Variants in STIM1 observed in about 807,000 individuals in gnomAD.
STIM1 encodes stromal interaction molecule 1.
In STIM1, 25 loss-of-function variants were observed where a neutral mutation model predicts 74.7. That is an observed-to-expected ratio of 0.33 (90% CI 0.24 to 0.47). The LOEUF (loss-of-function observed/expected upper bound fraction) is 0.47. Ranked by LOEUF, STIM1 falls within the 20% of genes least tolerant of loss-of-function variation. The pLI, the probability that STIM1 is intolerant of heterozygous loss-of-function variation, is 1.00. For synonymous variants in STIM1, 328 were observed against 348.8 expected (o/e 0.94, Z 0.66); for missense variants, 728 against 920.8 (o/e 0.79, Z 2.71).
At chr11:3,888,312 A>G (rs916697709) in intron 1 of STIM1, among the ~76,000 whole-genome samples, 1 of 152,114 alleles carries the variant, frequency 6.6e-6, no homozygotes, top group African/African-American at 2.4e-5. Context: ...AATGATTGAG[A>G]TGCTTTTATG....
chr11:3,982,611 A>C (rs2093517417), intron 2 of STIM1, among the ~76,000 whole-genome samples: 1 of 152,194 alleles, frequency 6.6e-6, no homozygotes. Flanking sequence ...ATAACCCATA[A>C]GGAAAGAGAC....
At chr11:4,059,430 C>T (rs1188848466) in intron 5 of STIM1, 34 bp downstream of exon 5, 2 of 1,584,106 alleles carry the variant, frequency 1.3e-6, no homozygotes, top group South Asian at 1.1e-5. Flanking sequence ...TACTGCTGTG[C>T]CATGGAAACC....
Position 3,994,751 on chromosome 11 carries a change from T to C in STIM1, c.270+27069T>C, listed in dbSNP as rs1318967213. Among the ~76,000 whole-genome samples the C allele has an allele frequency of 1.3e-5, 2 of 152,162 alleles. 1 individual carries two copies. The highest frequency in any genetic ancestry group is 1.3e-4 in the Admixed American group (2 of 15,266). ...GTGAGTCTTTCTGCTCCTTTTTCTT[T>C]ATCTTCCCCTTCTGGTATTCATATA... On this transcript the variant is annotated intron_variant, in intron 2 of 12. Transcript: ENST00000526596.
chr11:4,071,052 C>G (rs1244109373), intron 6 of STIM1, among the ~76,000 whole-genome samples: 1 of 152,162 alleles, frequency 6.6e-6, no homozygotes, highest in African/African-American at 2.4e-5. Flanking sequence ...ATGTGGGACT[C>G]TGAGGAGGTA....
chr11:4,047,942 C>T (rs556594474), intron 3 of STIM1, among the ~76,000 whole-genome samples: 2 of 152,122 alleles, frequency 1.3e-5, no homozygotes, highest in Non-Finnish European at 2.9e-5. Context: ...CCTCAGCCTC[C>T]CAAGTAGCTG....
chr11:4,083,399 A>C lies in STIM1; in HGVS notation c.1375A>C (p.Ser459Arg). The change falls in exon 10 of 13, where the codon AGC (serine) becomes CGC (arginine). Residue 459 changes from serine to arginine, a missense_variant. Physicochemically the swap from Ser to Arg is moderately radical, Grantham distance 110 (BLOSUM62 -1). This residue lies in a region of STIM1 where 352 missense variants were observed against 370.1 expected (regional missense o/e 0.95). Coordinates refer to ENST00000526596, the MANE Select transcript of STIM1 (RefSeq NM_001382567.1). ...GGTGGCTGCCCTCAACATAGACCCC[A>C]GCTGGATGGGCAGTACACGCCCCAA... ...SLVAALNIDP[S>R]WMGSTRPNPA... 2 of 1,614,240 alleles carry C rather than the reference A, an allele frequency of 1.2e-6. No individual in the cohort carries two copies. The highest frequency in any genetic ancestry group is 2.2e-5 in the South Asian group (2 of 91,088).
intron 1 of STIM1, among the ~76,000 whole-genome samples, chr11:3,939,927 A>G (rs975543196): frequency 3.9e-5 from 6 of 152,158 alleles, no homozygotes; most frequent in African/African-American, 9.7e-5. Flanking sequence ...AGAGATCATC[A>G]TTCCAGTTGT....
chr11:4,084,223 T>A (rs7945918), intron 10 of STIM1, among the ~76,000 whole-genome samples: 123,614 of 152,204 alleles, frequency 0.81, 52,129 homozygotes, highest in East Asian at 0.95. Context: ...TTGGATCAGA[T>A]GCTATTTTAA....
At chr11:3,974,108 A>G (rs145572145) in intron 2 of STIM1, 19 of 685,744 alleles carry the variant, frequency 2.8e-5, no homozygotes, top group Middle Eastern at 3.9e-4. Context: ...TCTCATTACC[A>G]CAGTCTGTGA....
intron 2 of STIM1, among the ~76,000 whole-genome samples, chr11:4,011,791 C>G (rs2093839071): frequency 1.3e-5 from 2 of 152,298 alleles, no homozygotes; most frequent in Non-Finnish European, 1.5e-5. Context: ...GTCATGAAGT[C>G]TTTGCCCATG....
rs544216621 is a variant in STIM1 at position 4,039,312 on chromosome 11, G to T, written c.385+15325G>T. On this transcript the variant is annotated intron_variant, in intron 3 of 12. Transcript: ENST00000526596. ...ATCTCTGAAAAAAAGAAAGAAGCTG[G>T]GCGTGGTGGCTCATGTCTGTAATCC... 2.0e-5 allele frequency among the ~76,000 whole-genome samples: 3 copies of T among 152,048 alleles called. No individual in the cohort carries two copies. The East Asian group carries it at 5.8e-4, about 29-fold the overall frequency.
In STIM1 at chr11:4,057,608, C is replaced by T. The variant is rs554494747; in HGVS notation, c.498-1673C>T. Among the ~76,000 whole-genome samples the T allele has an allele frequency of 2.6e-5, 4 of 152,276 alleles. No homozygotes were observed. The East Asian group carries it at 7.7e-4, about 29-fold the overall frequency. On this transcript the variant is annotated intron_variant, in intron 4 of 12. Coordinates refer to ENST00000526596, the MANE Select transcript of STIM1 (RefSeq NM_001382567.1). ...GCACTAGGCCGGGTGCAGTGGCTCA[C>T]ACCTGTAATCCCAGCACTTTGGGAG...
intron 5 of STIM1, among the ~76,000 whole-genome samples, chr11:4,068,174 A>G (rs985237905): frequency 1.3e-5 from 2 of 152,202 alleles, no homozygotes; most frequent in Non-Finnish European, 2.9e-5. Context: ...GGCCTTGGTT[A>G]TTCAGTATTC....
At chr11:4,021,331 G>A (rs1489905402) in intron 2 of STIM1, among the ~76,000 whole-genome samples, 1 of 152,180 alleles carries the variant, frequency 6.6e-6, no homozygotes, top group East Asian at 1.9e-4. Context: ...TCGCCATGCT[G>A]GCCAGGCTGG....
At chr11:4,068,310 A>T (rs7128522) in intron 5 of STIM1, among the ~76,000 whole-genome samples, 7,195 of 152,318 alleles carry the variant, frequency 0.047, 539 homozygotes, top group African/African-American at 0.16. Flanking sequence ...ACCCACCTTA[A>T]GTATTTGAGG....
rs1027266154 is a variant in STIM1 at position 3,885,160 on chromosome 11, A to G, written c.139+28751A>G. 6.0e-5 allele frequency among the ~76,000 whole-genome samples: 9 copies of G among 150,426 alleles called. 1 individual carries two copies. The highest frequency in any genetic ancestry group is 1.3e-4 in the Admixed American group (2 of 14,996). On this transcript the variant is annotated intron_variant, in intron 1 of 12. Coordinates refer to ENST00000526596, the MANE Select transcript of STIM1 (RefSeq NM_001382567.1). The stretch of plus-strand genomic sequence containing the variant: ...GGATTAATTATATGTCATGTGAATT[A>G]TATTTCAATATAAACATAGATAATT...
At chr11:3,870,929 G>A (rs1171805108) in intron 1 of STIM1, among the ~76,000 whole-genome samples, 2 of 142,744 alleles carry the variant, frequency 1.4e-5, no homozygotes, top group African/African-American at 5.3e-5. Flanking sequence ...CTGGAGTGCA[G>A]TGGTGCGATC....
rs2133161238 is a variant in STIM1, at chr11:4,070,034, C to T, written c.622C>T (p.His208Tyr). ...VLFGPPLLTR[H>Y]NHLKDFMLVV... Reference sequence around the variant, plus strand: ...CCTCCCCTCTCTGGCAGTGACTCGCCATAATCACCTCAAGGACTTCATGCT... The same window carrying T: ...CCTCCCCTCTCTGGCAGTGACTCGCTATAATCACCTCAAGGACTTCATGCT... The change falls in exon 6 of 13, where the codon CAT becomes TAT. Residue 208 changes from histidine to tyrosine, a missense_variant. By Grantham distance (83) the His-to-Tyr change is moderately conservative. This residue lies in a region of STIM1 where 132 missense variants were observed against 158.2 expected (regional missense o/e 0.83). Transcript: ENST00000526596. 6.2e-7 allele frequency: 1 copy of T among 1,614,112 alleles called. No homozygotes were observed. Among genetic ancestry groups the T allele is most frequent in the Non-Finnish European group, 8.5e-7 (1 of 1,180,028 alleles).
intron 1 of STIM1, among the ~76,000 whole-genome samples, chr11:3,862,309 A>G (rs947648529): frequency 9.2e-5 from 14 of 152,138 alleles, no homozygotes; most frequent in Non-Finnish European, 1.0e-4. Flanking sequence ...GACTTCAAGA[A>G]ATGAGGGGTG....
Sources: allele counts gnomAD v4.1 joint callset (sites outside exome capture counted in the v4.1 genomes callset), GRCh38; gene constraint gnomAD v4.1.1; regional missense constraint gnomAD v4.1.1; transcripts MANE v1.5; gene names NCBI Gene and HGNC (gene_info 2026-07-23, HGNC 2026-07-21).